The following RBCK1 variants were observed in gnomAD, a reference collection of about 807,000 sequenced individuals.
RBCK1 encodes ranBP-type and C3HC4-type zinc finger-containing protein 1.
Under a neutral mutation model 71.1 loss-of-function variants are expected in RBCK1, and 44 were observed. The observed-to-expected ratio is 0.62, with a 90% confidence interval of 0.49 to 0.80. The LOEUF is 0.80. Among genes scored for constraint, RBCK1 ranks in the 30% least tolerant of loss-of-function variants. RBCK1 has a pLI of 0.00. For missense variants in RBCK1, 569 were observed against 685.0 expected (o/e 0.83, Z 1.89); for synonymous variants, 306 against 279.7 (o/e 1.09, Z -0.94).
rs1470415932 is a variant in RBCK1 at position 420,987 on chromosome 20, C to T, written c.873C>T (p.Pro291=). Residue 291 remains proline (P), a synonymous_variant, in exon 7 of 12, where the codon CCC becomes CCT. Transcript: ENST00000356286. ...CCGTGTGCTACTCGGTGCTGGCGCCCGGCGAGGCCGTGGTGCTGCGTGAGT... is the reference window on the plus strand; with the variant it reads ...CCGTGTGCTACTCGGTGCTGGCGCCTGGCGAGGCCGTGGTGCTGCGTGAGT... The part of the protein sequence containing the change: ...ECPVCYSVLA[P]GEAVVLRECL... 4.5e-6 allele frequency: 7 copies of T among 1,564,438 alleles called. No individual in the cohort carries two copies. The highest frequency in any genetic ancestry group is 5.2e-6 in the Non-Finnish European group (6 of 1,155,784).
At chr20:418,385 T>G (rs540915003) in intron 4 of RBCK1, among the ~76,000 whole-genome samples, 2 of 152,338 alleles carry the variant, frequency 1.3e-5, no homozygotes, top group Admixed American at 6.5e-5. Flanking sequence ...CTTTTTTTTT[T>G]TGAGACGGAG....
At chr20:418,326 A>C (rs185899302) in intron 4 of RBCK1, among the ~76,000 whole-genome samples, 1 of 152,240 alleles carries the variant, frequency 6.6e-6, no homozygotes, top group African/African-American at 2.4e-5. Context: ...AAAGTAGTAC[A>C]TAAAGAATTC....
At chr20:412,464 T>C (rs1252329738) in intron 2 of RBCK1, among the ~76,000 whole-genome samples, 1 of 151,974 alleles carries the variant, frequency 6.6e-6, no homozygotes, top group Non-Finnish European at 1.5e-5. Context: ...GGATTACAGG[T>C]GCCCACCACT....
At chr20:412,824 G>T (rs1312364980) in intron 2 of RBCK1, among the ~76,000 whole-genome samples, 1 of 152,092 alleles carries the variant, frequency 6.6e-6, no homozygotes, top group African/African-American at 2.4e-5. Context: ...TTATTTTGTT[G>T]TTTGTGCTTT....
At chr20:427,693 G>A (rs142287534) in intron 9 of RBCK1, among the ~76,000 whole-genome samples, 133 of 152,222 alleles carry the variant, frequency 8.7e-4, no homozygotes, top group Middle Eastern at 3.4e-3. Context: ...CCCAGCCCCA[G>A]ATGGAGCCTC....
chr20:411,256 T>G (rs1280186562), intron 2 of RBCK1, among the ~76,000 whole-genome samples: 1 of 152,122 alleles, frequency 6.6e-6, no homozygotes, highest in African/African-American at 2.4e-5. Context: ...TAGGTTGAAG[T>G]GCAGTGGTGC....
chr20:420,882 G>A lies in RBCK1; in HGVS notation c.768G>A (p.Gln256=). Residue 256 remains glutamine (Q), a synonymous_variant, in exon 7 of 12, where the codon CAG becomes CAA. Coordinates refer to ENST00000356286, the MANE Select transcript of RBCK1 (RefSeq NM_031229.4). ...CCCCGTGTGCCCAGCGGAAGCAGCAGCAGCAGGAGGGGAACTACCTGCAGC... is the reference window on the plus strand; with the variant it reads ...CCCCGTGTGCCCAGCGGAAGCAGCAACAGCAGGAGGGGAACTACCTGCAGC... The part of the protein sequence containing the change: ...ALRQYQQRKQ[Q]QQEGNYLQHV... The A allele has an allele frequency of 6.4e-7, 1 of 1,552,268 alleles. No homozygotes were observed. The highest frequency in any genetic ancestry group is 1.2e-5 in the South Asian group (1 of 84,350).
rs878914446 is a variant in RBCK1, at chr20:422,327, CTTTT to C, written c.1029+98_1029+101del. The C allele has an allele frequency of 5.7e-6, 5 of 879,542 alleles. No individual in the cohort carries two copies. The highest frequency in any genetic ancestry group is 3.4e-5 in the South Asian group (2 of 59,478). 54.5% of individuals were successfully genotyped at this position (879,542 alleles called of 1,614,324 possible). ...GGCAGCAGACATCTTTCTTTTCTTTCTTTTTTTTTTTTGGAGATGGGGTCTCACT... is the reference window on the plus strand; with the variant it reads ...GGCAGCAGACATCTTTCTTTTCTTTCTTTTTTTTGGAGATGGGGTCTCACT... On this transcript the variant is annotated intron_variant, in intron 8 of 11. Coordinates refer to ENST00000356286, the MANE Select transcript of RBCK1 (RefSeq NM_031229.4). The surrounding 1 kb of genome is among the most constrained non-coding windows in gnomAD (Gnocchi z 5.0).
At chr20:414,097 A>AG (rs1483590072) in intron 2 of RBCK1, among the ~76,000 whole-genome samples, 5 of 151,816 alleles carry the variant, frequency 3.3e-5, no homozygotes, top group Non-Finnish European at 7.4e-5. Context: ...CATACAAAAA[A>AG]AAAAAAGAAA....
intron 2 of RBCK1, among the ~76,000 whole-genome samples, chr20:416,931 G>A (rs79572225): frequency 0.03 from 4,616 of 152,306 alleles, 113 homozygotes; most frequent in Middle Eastern, 0.048. Flanking sequence ...TGATACTGCA[G>A]TGAGCCAAGG....
At chr20:429,955 T>TG (rs1426143625) in intron 11 of RBCK1, among the ~76,000 whole-genome samples, 1 of 152,196 alleles carries the variant, frequency 6.6e-6, no homozygotes, top group Non-Finnish European at 1.5e-5. Flanking sequence ...GCAAGAGAAG[T>TG]GCTTAGAGAG....
Position 421,014 on chromosome 20 carries a change from T to C in RBCK1, c.900T>C (p.Cys300=), listed in dbSNP as rs867509895. Residue 300 remains cysteine (C), a synonymous_variant, in exon 7 of 12, where the codon TGT becomes TGC. Coordinates refer to ENST00000356286, the MANE Select transcript of RBCK1 (RefSeq NM_031229.4). The part of the protein sequence containing the change: ...APGEAVVLRE[C]LHTFCRECLQ... ...GCGAGGCCGTGGTGCTGCGTGAGTG[T>C]CTGCACACCTTCTGCAGGTGCGGCC... The C allele has an allele frequency of 1.9e-6, 3 of 1,562,658 alleles. No individual in the cohort carries two copies. In the Admixed American group the frequency reaches 5.5e-5, roughly 29 times the overall value.
intron 2 of RBCK1, among the ~76,000 whole-genome samples, chr20:411,898 T>C (rs1380213944): frequency 6.6e-6 from 1 of 152,242 alleles, no homozygotes; most frequent in Non-Finnish European, 1.5e-5. Flanking sequence ...TTGATGGACA[T>C]TTGGGTGTTT....
At chr20:427,522 G>T (rs747748267) in intron 9 of RBCK1, 30 bp downstream of exon 9, 5 of 1,609,732 alleles carry the variant, frequency 3.1e-6, no homozygotes, top group Non-Finnish European at 4.2e-6. Context: ...CCCCCACCTA[G>T]TCACTGTCAT....
In RBCK1 at chr20:432,089, G is replaced by A. The variant is rs2122359905; in HGVS notation, c.*1659G>A. Among the ~76,000 whole-genome samples the A allele has an allele frequency of 6.6e-6, 1 of 152,224 alleles. No individual in the cohort carries two copies. The highest frequency in any genetic ancestry group is 1.5e-5 in the Non-Finnish European group (1 of 68,022). On this transcript the variant is annotated 3_prime_UTR_variant, in exon 12 of 12. Coordinates refer to ENST00000356286, the MANE Select transcript of RBCK1 (RefSeq NM_031229.4). The surrounding 1 kb of genome is among the most constrained non-coding windows in gnomAD (Gnocchi z 4.3). Reference sequence around the variant, plus strand: ...AATCGGTTGCCCATCTTTTTAAATTGGCAACATCGTTTACCACATTAAAAT... The same window carrying A: ...AATCGGTTGCCCATCTTTTTAAATTAGCAACATCGTTTACCACATTAAAAT...
In RBCK1 at chr20:428,918, C is replaced by T; in HGVS notation, c.1309-33C>T. ...GGCCAGGCTGGGTGACTGCCCCAGC[C>T]CCGCCCCAGGGCCAGCACCTGCCCC... On this transcript the variant is annotated intron_variant, in intron 10 of 11. Coordinates refer to ENST00000356286, the MANE Select transcript of RBCK1 (RefSeq NM_031229.4). The surrounding 1 kb of genome is among the most constrained non-coding windows in gnomAD (Gnocchi z 5.7). The T allele has an allele frequency of 6.3e-7, 1 of 1,581,402 alleles. No homozygotes were observed. The highest frequency in any genetic ancestry group is 8.6e-7 in the Non-Finnish European group (1 of 1,168,340).
At chr20:411,557 C>T (rs957312322) in intron 2 of RBCK1, among the ~76,000 whole-genome samples, 14 of 152,118 alleles carry the variant, frequency 9.2e-5, no homozygotes, top group African/African-American at 2.9e-4. Flanking sequence ...TTAGTAGAGA[C>T]GGGGTTTCGC....
chr20:429,415 G>A (rs1267037481), intron 11 of RBCK1, among the ~76,000 whole-genome samples: 2 of 152,038 alleles, frequency 1.3e-5, no homozygotes, highest in Non-Finnish European at 1.5e-5. Flanking sequence ...TAGGAGAGAC[G>A]GGGTTTCTCC....
rs749518640 is a variant in RBCK1 at position 417,819 on chromosome 20, C to A, written c.349C>A (p.His117Asn). The change falls in exon 4 of 12, where the codon CAT becomes AAT. Residue 117 changes from histidine (H) to asparagine (N), a missense_variant. His to Asn is a moderately conservative substitution (Grantham distance 68, BLOSUM62 1). Transcript: ENST00000356286. The surrounding 1 kb of genome is among the most constrained non-coding windows in gnomAD (Gnocchi z 4.7). ...LARDQETLHS[H>N]GVRQNGDSAY... ...ACGAGACCAGGAGACCCTGCACTCC[C>A]ATGGGGTGCGGCAGAATGGGGACAG... The A allele has an allele frequency of 1.2e-6, 2 of 1,614,102 alleles. No homozygotes were observed. The highest frequency in any genetic ancestry group is 2.2e-5 in the South Asian group (2 of 91,082).
Sources: allele counts gnomAD v4.1 joint callset (sites outside exome capture counted in the v4.1 genomes callset), GRCh38; gene constraint gnomAD v4.1.1; non-coding constraint Gnocchi (gnomAD v3.1); transcripts MANE v1.5; gene names NCBI Gene and HGNC (gene_info 2026-07-23, HGNC 2026-07-21).